Variants in GRIK2 observed in about 807,000 individuals in gnomAD.
GRIK2 encodes the protein glutamate receptor ionotropic, kainate 2.
A neutral mutation model predicts 100.3 loss-of-function variants in GRIK2; 32 were observed. That is an observed-to-expected ratio of 0.32 (90% CI 0.24 to 0.43). The LOEUF (loss-of-function observed/expected upper bound fraction) is 0.43. Among genes scored for constraint, GRIK2 ranks in the 20% least tolerant of loss-of-function variants. The pLI is 1.00. For synonymous variants in GRIK2, 417 were observed against 389.4 expected (o/e 1.07, Z -0.83); for missense variants, 843 against 1,114.9 (o/e 0.76, Z 3.47).
intron 2 of GRIK2, among the ~76,000 whole-genome samples, chr6:101,574,890 A>C (rs1777725709): frequency 6.6e-6 from 1 of 151,932 alleles, no homozygotes; most frequent in East Asian, 1.9e-4. Flanking sequence ...TATTTAATAC[A>C]AAATTTTTAT....
intron 4 of GRIK2, among the ~76,000 whole-genome samples, chr6:101,642,131 C>A (rs1394320403): frequency 1.3e-5 from 2 of 151,680 alleles, no homozygotes; most frequent in Non-Finnish European, 3.0e-5. Flanking sequence ...AAGAATTTTG[C>A]AAAATAAAAC....
intron 7 of GRIK2, among the ~76,000 whole-genome samples, chr6:101,746,219 A>C (rs375335949): frequency 2.8e-4 from 43 of 152,270 alleles, no homozygotes; most frequent in African/African-American, 1.0e-3. Context: ...TGGTGGTATA[A>C]ATACAGAATA....
intron 2 of GRIK2, among the ~76,000 whole-genome samples, chr6:101,485,358 T>A (rs1272637529): frequency 6.6e-6 from 1 of 152,178 alleles, no homozygotes; most frequent in African/African-American, 2.4e-5. Flanking sequence ...TTCTTTTGCA[T>A]TGCATTATAA....
At chr6:101,406,213 T>C (rs2128236874) in intron 2 of GRIK2, among the ~76,000 whole-genome samples, 1 of 152,244 alleles carries the variant, frequency 6.6e-6, no homozygotes, top group African/African-American at 2.4e-5. Flanking sequence ...AAAACTTTTC[T>C]GCAGGATTTT....
At chr6:101,883,948 A>T (rs1786439842) in intron 11 of GRIK2, among the ~76,000 whole-genome samples, 1 of 152,156 alleles carries the variant, frequency 6.6e-6, no homozygotes, top group African/African-American at 2.4e-5. Context: ...GTAATCTGGT[A>T]TGTGTTTTAG....
chr6:101,980,218 A>G (rs1793632571), intron 14 of GRIK2, among the ~76,000 whole-genome samples: 1 of 151,952 alleles, frequency 6.6e-6, no homozygotes, highest in Non-Finnish European at 1.5e-5. Context: ...CAAAGAGCAA[A>G]TATTTTTGGA....
At chr6:101,563,277 T>G (rs76995111) in intron 2 of GRIK2, among the ~76,000 whole-genome samples, 26,803 of 152,174 alleles carry the variant, frequency 0.18, 2,555 homozygotes, top group Middle Eastern at 0.28. Context: ...TAATGATAAA[T>G]TATTGAGAAT....
chr6:101,524,682 A>T (rs1415878161), intron 2 of GRIK2, among the ~76,000 whole-genome samples: 7 of 149,876 alleles, frequency 4.7e-5, no homozygotes, highest in African/African-American at 1.7e-4. Context: ...ATTCCTCCTC[A>T]CATTAGTCAG....
intron 12 of GRIK2, among the ~76,000 whole-genome samples, chr6:101,917,392 T>A (rs575844723): frequency 6.6e-6 from 1 of 151,842 alleles, no homozygotes; most frequent in East Asian, 1.9e-4. Context: ...AGCACATGGC[T>A]CATTTAAATA....
intron 12 of GRIK2, among the ~76,000 whole-genome samples, chr6:101,895,442 T>C (rs901602983): frequency 8.6e-5 from 13 of 151,754 alleles, no homozygotes; most frequent in African/African-American, 2.2e-4. Flanking sequence ...GAACTGACTT[T>C]AGAAAACCAT....
rs138485481 is a variant in GRIK2, at chr6:102,043,627, A to T, written c.2311+8061A>T. 4.6e-5 allele frequency among the ~76,000 whole-genome samples: 7 copies of T among 152,038 alleles called. No homozygotes were observed. The East Asian group carries it at 1.4e-3, about 29-fold the overall frequency. On this transcript the variant is annotated intron_variant, in intron 15 of 16. Coordinates refer to ENST00000369134, the MANE Select transcript of GRIK2 (RefSeq NM_021956.5). ...GGCTGAATAGTATTCCATTGTGTGT[A>T]TATGTACTGCATTTTCTTTATTCTC...
At chr6:101,976,899 G>C (rs1338274789) in intron 14 of GRIK2, among the ~76,000 whole-genome samples, 1 of 151,836 alleles carries the variant, frequency 6.6e-6, no homozygotes, top group African/African-American at 2.4e-5. Flanking sequence ...ACTGAAGAGT[G>C]GGGGAATAGT....
chr6:102,053,956 TTAG>T (rs1465096847), intron 15 of GRIK2, among the ~76,000 whole-genome samples: 1 of 152,178 alleles, frequency 6.6e-6, no homozygotes, highest in African/African-American at 2.4e-5. Flanking sequence ...TCATGTTAGA[TTAG>T]TATTTTAAGA....
intron 15 of GRIK2, among the ~76,000 whole-genome samples, chr6:102,049,325 G>A (rs1169792891): frequency 6.6e-6 from 1 of 152,002 alleles, no homozygotes; most frequent in Non-Finnish European, 1.5e-5. Flanking sequence ...TCCACAGAGA[G>A]AACACATGTA....
chr6:102,004,703 C>T (rs10447454), intron 14 of GRIK2, among the ~76,000 whole-genome samples: 11,158 of 151,954 alleles, frequency 0.073, 568 homozygotes, highest in Middle Eastern at 0.19. Context: ...TTTTTGTTCT[C>T]ACTTCTCGAT....
At chr6:101,662,525 A>G (rs1769704401) in intron 4 of GRIK2, among the ~76,000 whole-genome samples, 1 of 152,112 alleles carries the variant, frequency 6.6e-6, no homozygotes. Flanking sequence ...TACCCTTCAT[A>G]AGTGTTTTTT....
At chr6:101,512,405 T>C (rs923728327) in intron 2 of GRIK2, among the ~76,000 whole-genome samples, 5 of 152,112 alleles carry the variant, frequency 3.3e-5, no homozygotes, top group African/African-American at 1.2e-4. Flanking sequence ...TTTTAATGGC[T>C]GTATGACTGA....
intron 2 of GRIK2, among the ~76,000 whole-genome samples, chr6:101,420,945 C>T (rs1327559081): frequency 6.6e-6 from 1 of 152,134 alleles, no homozygotes; most frequent in Non-Finnish European, 1.5e-5. Flanking sequence ...CAAACTGATC[C>T]AGGGACTGGC....
chr6:101,883,378 T>G (rs950608206), intron 11 of GRIK2, among the ~76,000 whole-genome samples: 1 of 151,602 alleles, frequency 6.6e-6, no homozygotes, highest in African/African-American at 2.4e-5. Context: ...ATAGTTTTAT[T>G]CATTCAAAAA....
Sources: allele counts gnomAD v4.1 joint callset (sites outside exome capture counted in the v4.1 genomes callset), GRCh38; gene constraint gnomAD v4.1.1; transcripts MANE v1.5; gene names NCBI Gene and HGNC (gene_info 2026-07-23, HGNC 2026-07-21).